TOR1AIP2: variants seen among roughly 807,000 people sequenced by gnomAD.
The protein encoded by TOR1AIP2 is torsin-1A-interacting protein 2.
TOR1AIP2 carries 20 observed loss-of-function variants against 32.6 expected under a neutral mutation model. That is an observed-to-expected ratio of 0.61 (90% CI 0.43 to 0.89). The LOEUF (loss-of-function observed/expected upper bound fraction) is 0.89, where lower values mean the gene tolerates loss of function less well. Ranked by LOEUF, TOR1AIP2 falls within the 40% of genes least tolerant of loss-of-function variation. TOR1AIP2 has a pLI of 0.00. For synonymous variants in TOR1AIP2, 214 were observed against 210.8 expected (o/e 1.02, Z -0.13); for missense variants, 456 against 553.8 (o/e 0.82, Z 1.77).
intron 2 of TOR1AIP2, chr1:179,875,900 G>C (rs1400930550): frequency 6.6e-6 from 1 of 152,120 alleles, no homozygotes; most frequent in Non-Finnish European, 1.5e-5. Context: ...ATATATGATC[G>C]CCCTATGAAT....
At chr1:179,860,130 C>T in intron 3 of TOR1AIP2, 3 of 985,088 alleles carry the variant, frequency 3.0e-6, no homozygotes, top group Non-Finnish European at 3.6e-6. Flanking sequence ...TTACAGTGAG[C>T]CACCAGCCAA....
chr1:179,846,728 C>T lies in TOR1AIP2; in HGVS notation c.756G>A (p.Leu252=). ...GGCTAAACTGGGCCAAAAAGGCCTC[C>T]AAAGCTGGATTTTTGGGCACTTGCT... is the stretch of plus-strand genomic sequence containing the variant. ...PAQQVPKNPA[L]EAFLAQFSQL... Residue 252 remains leucine, a synonymous_variant, in exon 7 of 7, where the codon TTG becomes TTA. Coordinates refer to ENST00000609928, the MANE Select transcript of TOR1AIP2 (RefSeq NM_001199260.2). The T allele has an allele frequency of 6.2e-7, 1 of 1,613,956 alleles. No individual in the cohort carries two copies. Among genetic ancestry groups the T allele is most frequent in the East Asian group, 2.2e-5 (1 of 44,880 alleles).
rs1370327300 is a variant in TOR1AIP2, at chr1:179,877,349, T to G, written c.-676A>C. On this transcript the variant is annotated 5_prime_UTR_variant, in exon 2 of 7. Transcript: ENST00000609928. ...TGAAGCCAGGAGTTCGAGACCAACC[T>G]GGGCAATACAGTGAGACCCTGTCGC... 1.3e-5 allele frequency: 2 copies of G among 152,284 alleles called. No individual in the cohort carries two copies. Among genetic ancestry groups the G allele is most frequent in the African/African-American group, 2.4e-5 (1 of 41,398 alleles). 9.4% of individuals were successfully genotyped at this position (152,284 alleles called of 1,614,324 possible).
At chr1:179,857,645 C>T (rs1696355959) in intron 3 of TOR1AIP2, among the ~76,000 whole-genome samples, 1 of 152,194 alleles carries the variant, frequency 6.6e-6, no homozygotes. Context: ...TGACTTTTTA[C>T]ATAACCAAGT....
At chr1:179,846,902 A>C in intron 6 of TOR1AIP2, 74 bp from the exon 7 acceptor site, 1 of 1,474,082 alleles carries the variant, frequency 6.8e-7, no homozygotes, top group Admixed American at 2.3e-5. Context: ...GGTAAACTGA[A>C]ATGAGGCAGA....
chr1:179,861,533 C>T, intron 3 of TOR1AIP2: 1 of 984,924 alleles, frequency 1.0e-6, no homozygotes, highest in South Asian at 4.7e-5. Flanking sequence ...TTTTTCTTGC[C>T]CATATATTCA....
chr1:179,872,032 C>T (rs138083870), intron 2 of TOR1AIP2, among the ~76,000 whole-genome samples: 1 of 152,278 alleles, frequency 6.6e-6, no homozygotes, highest in Non-Finnish European at 1.5e-5. Flanking sequence ...ATCTTCAGTA[C>T]TATTTAGTAC....
chr1:179,866,633 G>A (rs1394476024), intron 2 of TOR1AIP2, among the ~76,000 whole-genome samples: 1 of 152,130 alleles, frequency 6.6e-6, no homozygotes, highest in Non-Finnish European at 1.5e-5. Context: ...TCGAACTCCC[G>A]ACCTCAGGTG....
chr1:179,870,429 A>G (rs962647285), intron 2 of TOR1AIP2, among the ~76,000 whole-genome samples: 1 of 151,926 alleles, frequency 6.6e-6, no homozygotes, highest in African/African-American at 2.4e-5. Context: ...TTACATACAC[A>G]TGTGCATTTT....
rs1451591019 is a variant in TOR1AIP2 at position 179,846,942 on chromosome 1, A to T, written c.656-114T>A. On this transcript the variant is annotated intron_variant, in intron 6 of 6. Transcript: ENST00000609928. ...CCAGCAGGTTTTACTAGGAGCAATA[A>T]GTTTCTTTTGCATAAATTGTTTAAA... 4 of 1,147,410 alleles carry T rather than the reference A, an allele frequency of 3.5e-6. No individual in the cohort carries two copies. In the South Asian group the frequency reaches 5.5e-5, roughly 16 times the overall value. The allele number at this position is 1,147,410 out of a possible 1,614,324, so 71.1% of individuals were successfully genotyped here. A position where few individuals can be genotyped will look rare whatever the true frequency, so the allele number is the denominator to read the frequency against.
intron 2 of TOR1AIP2, among the ~76,000 whole-genome samples, chr1:179,873,429 CGT>C (rs527968943): frequency 5.9e-4 from 90 of 152,300 alleles, no homozygotes; most frequent in African/African-American, 2.0e-3. Context: ...GAATAACAAA[CGT>C]CACAGAAATG....
chr1:179,851,697 T>C (rs1407964398), intron 4 of TOR1AIP2, among the ~76,000 whole-genome samples: 1 of 152,312 alleles, frequency 6.6e-6, no homozygotes, highest in Admixed American at 6.5e-5. Context: ...GGGACTTTTA[T>C]AGTGGATGAG....
intron 2 of TOR1AIP2, chr1:179,875,348 ATAG>A (rs1431451006): frequency 1.3e-5 from 2 of 152,250 alleles, no homozygotes; most frequent in Admixed American, 1.3e-4. Flanking sequence ...AAATGGAATA[ATAG>A]TACTTAGATG....
intron 5 of TOR1AIP2, 96 bp from the exon 6 acceptor site, chr1:179,847,732 T>A: frequency 2.3e-6 from 2 of 874,552 alleles, no homozygotes; most frequent in Non-Finnish European, 3.8e-6. Context: ...ATGATTTGAC[T>A]AAAAGGCTTT....
intron 3 of TOR1AIP2, chr1:179,862,651 A>G: frequency 5.1e-6 from 5 of 985,430 alleles, no homozygotes; most frequent in Non-Finnish European, 6.0e-6. Context: ...AGCCCTGGTC[A>G]GGCACGGTGG....
At chr1:179,875,297 C>G (rs748172971) in intron 2 of TOR1AIP2, 2 of 152,224 alleles carry the variant, frequency 1.3e-5, no homozygotes, top group South Asian at 4.1e-4. Flanking sequence ...GCCACTGCAC[C>G]CAGCCCCTGG....
At chr1:179,861,087 T>G (rs1006123448) in intron 3 of TOR1AIP2, 81 of 985,438 alleles carry the variant, frequency 8.2e-5, no homozygotes, top group Admixed American at 1.2e-4. Flanking sequence ...TGGACTGCCA[T>G]AAAATAACAG....
intron 5 of TOR1AIP2, among the ~76,000 whole-genome samples, chr1:179,847,901 C>T (rs184681857): frequency 5.3e-4 from 80 of 152,086 alleles, no homozygotes; most frequent in Non-Finnish European, 8.8e-4. Flanking sequence ...GGCATGATGG[C>T]GGGCGCCTGT....
chr1:179,850,857 G>A lies in TOR1AIP2; in HGVS notation c.541C>T (p.Leu181=). ...QEGEDTLRRR[L]LAPEAGSHPQ... Reference sequence around the variant, plus strand: ...GGGGTTCTCTTACCTGGGGCCAGCAGTCGCCTCCTCAGTGTATCCTCACCC... The same window carrying A: ...GGGGTTCTCTTACCTGGGGCCAGCAATCGCCTCCTCAGTGTATCCTCACCC... Residue 181 remains leucine (L), a synonymous_variant, in exon 5 of 7, where the codon CTG becomes TTG. Coordinates refer to ENST00000609928, the MANE Select transcript of TOR1AIP2 (RefSeq NM_001199260.2). 6.2e-7 allele frequency: 1 copy of A among 1,613,162 alleles called. No homozygotes were observed. The highest frequency in any genetic ancestry group is 1.1e-5 in the South Asian group (1 of 91,016).
Sources: allele counts gnomAD v4.1 joint callset (sites outside exome capture counted in the v4.1 genomes callset), GRCh38; gene constraint gnomAD v4.1.1; transcripts MANE v1.5; gene names NCBI Gene and HGNC (gene_info 2026-07-23, HGNC 2026-07-21).